The following TNR variants were observed in gnomAD, a reference collection of about 807,000 sequenced individuals.
TNR encodes the protein tenascin-R.
TNR carries 45 observed loss-of-function variants against 150.4 expected under a neutral mutation model. That is an observed-to-expected ratio of 0.30 (90% CI 0.24 to 0.38). The LOEUF is 0.38. Among genes scored for constraint, TNR ranks in the 10% least tolerant of loss-of-function variants. The pLI is 1.00. For missense variants in TNR, 1,544 were observed against 1,759.1 expected, an observed-to-expected ratio of 0.88 and a Z score of 2.19; for synonymous variants, 687 against 678.4, an observed-to-expected ratio of 1.01 and a Z score of -0.20.
At chr1:175,623,131 G>A (rs565131728) in intron 1 of TNR, among the ~76,000 whole-genome samples, 3 of 152,298 alleles carry the variant, frequency 2.0e-5, no homozygotes, top group East Asian at 1.9e-4. Flanking sequence ...CATGGGATCC[G>A]AAAGTACTAT....
chr1:175,625,542 G>C (rs79505851), intron 1 of TNR, among the ~76,000 whole-genome samples: 2,867 of 152,350 alleles, frequency 0.019, 86 homozygotes, highest in African/African-American at 0.064. Context: ...GGCTCAGCCA[G>C]GCCTGTGTGC....
chr1:175,624,804 C>T (rs1465442175), intron 1 of TNR, among the ~76,000 whole-genome samples: 1 of 152,128 alleles, frequency 6.6e-6, no homozygotes, highest in Non-Finnish European at 1.5e-5. Flanking sequence ...GGACAGCCAC[C>T]AAGAGGCAGA....
chr1:175,428,854 C>T (rs1226276614), intron 2 of TNR, among the ~76,000 whole-genome samples: 1 of 152,190 alleles, frequency 6.6e-6, no homozygotes, highest in Non-Finnish European at 1.5e-5. Flanking sequence ...CATCTATCAT[C>T]ACTTACTTAA....
chr1:175,466,087 C>CCAT (rs1405588019), intron 2 of TNR, among the ~76,000 whole-genome samples: 1 of 152,174 alleles, frequency 6.6e-6, no homozygotes, highest in Admixed American at 6.5e-5. Context: ...GAACTGAGCT[C>CCAT]CATCACCCTA....
chr1:175,595,204 T>C (rs1382822710), intron 1 of TNR, among the ~76,000 whole-genome samples: 1 of 152,180 alleles, frequency 6.6e-6, no homozygotes, highest in East Asian at 1.9e-4. Context: ...AATTGAATCA[T>C]TGATAACTGA....
chr1:175,445,647 T>C (rs538845338), intron 2 of TNR, among the ~76,000 whole-genome samples: 20 of 152,332 alleles, frequency 1.3e-4, no homozygotes, highest in African/African-American at 4.6e-4. Context: ...AATTACAGTA[T>C]ATATTTAAAG....
intron 2 of TNR, among the ~76,000 whole-genome samples, chr1:175,515,570 C>T (rs927501503): frequency 6.6e-6 from 1 of 152,176 alleles, no homozygotes; most frequent in African/African-American, 2.4e-5. Context: ...GGCCAGAATA[C>T]AGGGTGCATT....
At chr1:175,639,300 A>T (rs1329176987) in intron 1 of TNR, among the ~76,000 whole-genome samples, 1 of 152,222 alleles carries the variant, frequency 6.6e-6, no homozygotes, top group East Asian at 1.9e-4. Flanking sequence ...GGTAGCATGT[A>T]GTTCCAGGAC....
At chr1:175,594,893 G>T (rs974475913) in intron 1 of TNR, among the ~76,000 whole-genome samples, 3 of 150,716 alleles carry the variant, frequency 2.0e-5, no homozygotes, top group Non-Finnish European at 4.4e-5. Context: ...GGCTGGGCAT[G>T]GTGGCTCAAG....
chr1:175,663,216 C>A lies in TNR; in HGVS notation c.-165+80010G>T, dbSNP rs149237930. On this transcript the variant is annotated intron_variant, in intron 1 of 22. Transcript: ENST00000367674. ...GCGGGGGATCCACCCACCCTGAGCT[C>A]TGGCCCCTCACTCAGGGACACTGCC... 9.8e-5 allele frequency among the ~76,000 whole-genome samples: 15 copies of A among 152,330 alleles called. No individual in the cohort carries two copies. In the East Asian group the frequency reaches 2.9e-3, roughly 29 times the overall value.
At chr1:175,506,658 A>C (rs859383) in intron 2 of TNR, among the ~76,000 whole-genome samples, 2,821 of 152,320 alleles carry the variant, frequency 0.019, 92 homozygotes, top group African/African-American at 0.064. Context: ...TCCTGCCAAC[A>C]CTTTGATCTT....
At chr1:175,527,805 T>C (rs1446481440) in intron 2 of TNR, among the ~76,000 whole-genome samples, 5 of 152,216 alleles carry the variant, frequency 3.3e-5, no homozygotes, top group Non-Finnish European at 7.3e-5. Context: ...GACAGGTTTT[T>C]CCTCCAGCCA....
At chr1:175,597,729 G>T (rs1271018649) in intron 1 of TNR, among the ~76,000 whole-genome samples, 1 of 152,170 alleles carries the variant, frequency 6.6e-6, no homozygotes, top group East Asian at 1.9e-4. Flanking sequence ...TAGTTAGCTG[G>T]ACCAGTCATG....
chr1:175,608,085 G>A (rs921180488), intron 1 of TNR, among the ~76,000 whole-genome samples: 11 of 152,136 alleles, frequency 7.2e-5, no homozygotes, highest in African/African-American at 2.4e-4. Flanking sequence ...AGCTCACCCT[G>A]GAAGTACTAC....
chr1:175,636,016 G>A lies in TNR; in HGVS notation c.-165+107210C>T, dbSNP rs143302223. The stretch of plus-strand genomic sequence containing the variant: ...GCTAGTCTCAGGCCATACCATGGGT[G>A]CCAGCTCCACCCCTAATTTTCTCTG... On this transcript the variant is annotated intron_variant, in intron 1 of 22. Coordinates refer to ENST00000367674, the MANE Select transcript of TNR (RefSeq NM_003285.3). Among the ~76,000 whole-genome samples the A allele has an allele frequency of 2.6e-5, 4 of 152,270 alleles. No homozygotes were observed. The East Asian group carries it at 7.7e-4, about 29-fold the overall frequency.
intron 7 of TNR, among the ~76,000 whole-genome samples, chr1:175,388,262 GA>G (rs911593706): frequency 1.1e-3 from 153 of 141,882 alleles, no homozygotes; most frequent in South Asian, 5.6e-3. Flanking sequence ...GAGCTTTTTG[GA>G]AAAAAAAAAA....
rs143659335 is a variant in TNR at position 175,415,609 on chromosome 1, C to G, written c.-63-8832G>C. 1.6e-4 allele frequency among the ~76,000 whole-genome samples: 24 copies of G among 152,338 alleles called. 1 individual carries two copies. Among genetic ancestry groups the G allele is most frequent in the African/African-American group, 5.5e-4 (23 of 41,576 alleles). On this transcript the variant is annotated intron_variant, in intron 2 of 22. Coordinates refer to ENST00000367674, the MANE Select transcript of TNR (RefSeq NM_003285.3). ...ATCCACACTCATTTTTCAGCACATG[C>G]GGTCAGCCCAGCATGTTCGTGGCTT...
chr1:175,345,167 C>CA (rs1381755545), intron 18 of TNR, among the ~76,000 whole-genome samples: 3 of 151,764 alleles, frequency 2.0e-5, no homozygotes, highest in South Asian at 2.1e-4. Context: ...CAAACAGCAC[C>CA]AAAAAAAGAG....
intron 2 of TNR, among the ~76,000 whole-genome samples, chr1:175,457,934 G>A (rs1364572450): frequency 6.6e-6 from 1 of 152,214 alleles, no homozygotes. Flanking sequence ...CGCCAGAGTT[G>A]TTGTTTAAAC....
Sources: gnomAD v4.1 joint callset for allele counts (sites outside exome capture counted in the v4.1 genomes callset) on GRCh38, gnomAD v4.1.1 for gene constraint, MANE v1.5 for transcripts, NCBI Gene and HGNC (gene_info 2026-07-23, HGNC 2026-07-21) for gene names.